Variants in ACTR2 observed in about 807,000 individuals in gnomAD.
ACTR2 encodes actin-related protein 2.
Under a neutral mutation model 50.2 loss-of-function variants are expected in ACTR2, and 5 were observed. The ratio of observed to expected loss-of-function variants is 0.10; its 90% CI spans 0.05 to 0.21. The LOEUF (loss-of-function observed/expected upper bound fraction) is 0.21, where lower values mean the gene tolerates loss of function less well. Among genes scored for constraint, ACTR2 ranks in the 10% least tolerant of loss-of-function variants. The pLI is 1.00. For missense variants in ACTR2, 180 were observed against 480.6 expected (o/e 0.37, Z 5.85); for synonymous variants, 140 against 162.9 (o/e 0.86, Z 1.07).
chr2:65,230,024 A>G (rs1671605893), intron 1 of ACTR2, among the ~76,000 whole-genome samples: 1 of 152,200 alleles, frequency 6.6e-6, no homozygotes, highest in Admixed American at 6.5e-5. Context: ...GGGAAGATGG[A>G]GAGGACTTCA....
chr2:65,247,797 GTTCAAACTTGTTGTTA>G (rs1558623981), intron 3 of ACTR2, among the ~76,000 whole-genome samples: 1 of 152,072 alleles, frequency 6.6e-6, no homozygotes, highest in Non-Finnish European at 1.5e-5. Flanking sequence ...GACCTGTGTG[GTTCAAACTTGTTGTTA>G]TTCATGGATC....
Position 65,253,780 on chromosome 2 carries a change from C to A in ACTR2, c.501C>A (p.Cys167Ter). 6.2e-7 allele frequency: 1 copy of A among 1,613,660 alleles called. No homozygotes were observed. The highest frequency in any genetic ancestry group is 8.5e-7 in the Non-Finnish European group (1 of 1,179,720). ...CTGGAGATGGTGTGACTCACATTTG[C>A]CCAGTATATGAAGGCTTTTCTCTCC... ...VDSGDGVTHI[C>*]PVYEGFSLPH... Residue 167 changes from cysteine (C) to a stop codon, truncating the protein, a stop_gained, in exon 5 of 9, where the codon TGC becomes TGA. Coordinates refer to ENST00000260641, the MANE Select transcript of ACTR2 (RefSeq NM_005722.4). LOFTEE classifies it high-confidence loss of function.
At chr2:65,251,122 A>G (rs199823898) in intron 4 of ACTR2, 23 bp downstream of exon 4, 29 of 1,523,058 alleles carry the variant, frequency 1.9e-5, no homozygotes, top group Middle Eastern at 3.4e-4. Flanking sequence ...TAACTGTTAG[A>G]AAAAACACTT....
rs183660780 is a variant in ACTR2 at position 65,228,923 on chromosome 2, T to C, written c.48+966T>C. 5.5e-3 allele frequency among the ~76,000 whole-genome samples: 843 copies of C among 152,136 alleles called. 6 individuals are homozygous for C. The highest frequency in any genetic ancestry group is 8.6e-3 in the Non-Finnish European group (583 of 67,982). On this transcript the variant is annotated intron_variant, in intron 1 of 8. Transcript: ENST00000260641. ...GTGAAACCCCGGTCTCTACTAAAAATACAAAAATTAGCCGGCCGTGGTGGT... is the reference window on the plus strand; with the variant it reads ...GTGAAACCCCGGTCTCTACTAAAAACACAAAAATTAGCCGGCCGTGGTGGT...
chr2:65,239,728 T>G lies in ACTR2; in HGVS notation c.49-124T>G, dbSNP rs369172910. On this transcript the variant is annotated intron_variant, in intron 1 of 8. Coordinates refer to ENST00000260641, the MANE Select transcript of ACTR2 (RefSeq NM_005722.4). ...CGATAGATTGAGTGGCTACTTCGGG[T>G]GGACTGAAAGCACCAAAAGTTTAAA... 1.1e-3 allele frequency: 758 copies of G among 668,380 alleles called. 1 individual carries two copies. Among genetic ancestry groups the G allele is most frequent in the African/African-American group, 9.7e-3 (534 of 54,908 alleles). The allele number at this position is 668,380 out of a possible 1,614,324, so 41.4% of individuals were successfully genotyped here.
At position 65,251,408 on chromosome 2, in the gene ACTR2, C is replaced by T. The variant is rs567152485; in HGVS notation, c.448+309C>T. Among the ~76,000 whole-genome samples, 79 of 152,250 alleles carry T rather than the reference C, an allele frequency of 5.2e-4. 1 individual carries two copies. The South Asian group carries it at 0.016, about 31-fold the overall frequency. Reference sequence around the variant, plus strand: ...CAGATTTTCGCTTTTGTTGCCCAGGCCGGAGTGCAATAGTGCAATCTTGGC... The same window carrying T: ...CAGATTTTCGCTTTTGTTGCCCAGGTCGGAGTGCAATAGTGCAATCTTGGC... On this transcript the variant is annotated intron_variant, in intron 4 of 8. Coordinates refer to ENST00000260641, the MANE Select transcript of ACTR2 (RefSeq NM_005722.4).
rs1481447375 is a variant in ACTR2 at position 65,268,772 on chromosome 2, C to T, written c.*38C>T. 6.9e-6 allele frequency: 11 copies of T among 1,584,236 alleles called. No homozygotes were observed. In the African/African-American group the frequency reaches 9.5e-5, roughly 14 times the overall value. ...GTTCCCGTCATACCCGTAATGCTTT[C>T]TTTTTTCCTTTATTGCCAATCTTTG... On this transcript the variant is annotated 3_prime_UTR_variant, in exon 9 of 9. Transcript: ENST00000260641.
intron 5 of ACTR2, among the ~76,000 whole-genome samples, chr2:65,254,905 G>A (rs999632641): frequency 6.6e-6 from 1 of 151,924 alleles, no homozygotes. Flanking sequence ...AATTTCTGGG[G>A]TTGTCTTTAG....
At chr2:65,228,029 C>T in intron 1 of ACTR2, 72 bp downstream of exon 1, 4 of 1,415,606 alleles carry the variant, frequency 2.8e-6, no homozygotes, top group South Asian at 2.8e-5. Context: ...CACGGGCCCT[C>T]GGCCCCCAGG....
At chr2:65,252,912 G>GA (rs1553408722) in intron 4 of ACTR2, among the ~76,000 whole-genome samples, 3 of 152,146 alleles carry the variant, frequency 2.0e-5, no homozygotes, top group Non-Finnish European at 4.4e-5. Flanking sequence ...GGAAACAGGG[G>GA]AAACAAAGCA....
intron 2 of ACTR2, among the ~76,000 whole-genome samples, chr2:65,243,763 T>C (rs897843856): frequency 3.3e-5 from 5 of 152,230 alleles, no homozygotes; most frequent in Non-Finnish European, 5.9e-5. Flanking sequence ...TTGGCAAATG[T>C]AATCCCTACT....
intron 8 of ACTR2, among the ~76,000 whole-genome samples, chr2:65,265,411 G>C (rs924896080): frequency 6.6e-6 from 1 of 152,226 alleles, no homozygotes; most frequent in Non-Finnish European, 1.5e-5. Context: ...TGGTTCATCT[G>C]TAACAACCAG....
At chr2:65,249,351 C>T (rs577233597) in intron 3 of ACTR2, among the ~76,000 whole-genome samples, 1 of 152,118 alleles carries the variant, frequency 6.6e-6, no homozygotes, top group Admixed American at 6.5e-5. Flanking sequence ...TTAAAGAATC[C>T]ATATGATTTC....
intron 1 of ACTR2, among the ~76,000 whole-genome samples, chr2:65,235,825 A>G (rs936155016): frequency 6.6e-6 from 1 of 152,218 alleles, no homozygotes; most frequent in African/African-American, 2.4e-5. Context: ...TACCTGAAAA[A>G]TGCCCTTACC....
At chr2:65,261,862 C>G (rs1036297056) in intron 7 of ACTR2, among the ~76,000 whole-genome samples, 1 of 152,220 alleles carries the variant, frequency 6.6e-6, no homozygotes. Flanking sequence ...CAGCAGTGTA[C>G]AAGGGTTTCC....
At chr2:65,266,557 GT>G (rs534926411) in intron 8 of ACTR2, among the ~76,000 whole-genome samples, 156 of 152,224 alleles carry the variant, frequency 1.0e-3, no homozygotes, top group Non-Finnish European at 1.6e-3. Context: ...AGTCTTGGGT[GT>G]GGGGGCGGTT....
At chr2:65,239,994 A>G in intron 2 of ACTR2, 32 bp downstream of exon 2, 2 of 1,387,746 alleles carry the variant, frequency 1.4e-6, no homozygotes, top group Non-Finnish European at 1.0e-6. Flanking sequence ...AATGATAATC[A>G]AGACATGTGA....
intron 1 of ACTR2, among the ~76,000 whole-genome samples, chr2:65,236,082 C>T (rs541048099): frequency 3.3e-5 from 5 of 152,120 alleles, no homozygotes; most frequent in South Asian, 2.1e-4. Flanking sequence ...GGGCCGGGTG[C>T]GGTGGCTTAT....
At chr2:65,233,681 G>A (rs918049294) in intron 1 of ACTR2, among the ~76,000 whole-genome samples, 13 of 151,004 alleles carry the variant, frequency 8.6e-5, no homozygotes, top group South Asian at 2.1e-4. Context: ...ATGTTATCTC[G>A]GCTCACTGCA....
Sources: gnomAD v4.1 joint callset for allele counts (sites outside exome capture counted in the v4.1 genomes callset) on GRCh38, gnomAD v4.1.1 for gene constraint, MANE v1.5 for transcripts, NCBI Gene and HGNC (gene_info 2026-07-23, HGNC 2026-07-21) for gene names.